EYA1: variants seen among roughly 807,000 people sequenced by gnomAD.
EYA1 encodes protein phosphatase EYA1.
In EYA1, 16 loss-of-function variants were observed where a neutral mutation model predicts 82.0. The observed-to-expected ratio is 0.20, with a 90% CI of 0.13 to 0.30. EYA1 has a LOEUF of 0.30. Ranked by LOEUF, EYA1 falls within the 10% of genes least tolerant of loss-of-function variation. The pLI, the probability that EYA1 is intolerant of heterozygous loss-of-function variation, is 1.00. For synonymous variants in EYA1, 261 were observed against 264.4 expected, an observed-to-expected ratio of 0.99 and a Z score of 0.12; for missense variants, 633 against 730.7, an observed-to-expected ratio of 0.87 and a Z score of 1.54.
chr8:71,475,312 G>T (rs1180180353), intron 2 of EYA1, among the ~76,000 whole-genome samples: 1 of 152,150 alleles, frequency 6.6e-6, no homozygotes, highest in East Asian at 1.9e-4. Context: ...TAATTGAAAG[G>T]TTATGTCTGG....
intron 2 of EYA1, among the ~76,000 whole-genome samples, chr8:71,477,745 T>C (rs1240431718): frequency 2.0e-5 from 3 of 152,018 alleles, no homozygotes; most frequent in South Asian, 2.1e-4. Flanking sequence ...CCAAGAGAAA[T>C]GAAAACACAT....
chr8:71,256,851 T>C (rs986440490), intron 11 of EYA1, among the ~76,000 whole-genome samples: 11 of 151,786 alleles, frequency 7.2e-5, no homozygotes, highest in African/African-American at 2.7e-4. Context: ...AATACAAAAT[T>C]AGCTGGGCAT....
intron 6 of EYA1, among the ~76,000 whole-genome samples, 156 bp from the exon 7 acceptor site, chr8:71,317,845 T>A (rs1822099334): frequency 6.6e-6 from 1 of 152,234 alleles, no homozygotes; most frequent in Non-Finnish European, 1.5e-5. Flanking sequence ...TACCATAAAG[T>A]ACAACTTCAG....
At position 71,455,413 on chromosome 8, in the gene EYA1, C is replaced by G. The variant is rs895341656; in HGVS notation, c.33+80331G>C. On this transcript the variant is annotated intron_variant, in intron 2 of 18. Transcript: ENST00000643681. ...ATCCTCCCTAACTCATTTTATGAGGCCAGCATTACCCTGATACCAAAGTCT... is the reference window on the plus strand; with the variant it reads ...ATCCTCCCTAACTCATTTTATGAGGGCAGCATTACCCTGATACCAAAGTCT... 4.6e-5 allele frequency among the ~76,000 whole-genome samples: 7 copies of G among 152,252 alleles called. No homozygotes were observed. In the South Asian group the frequency reaches 8.3e-4, roughly 18 times the overall value.
intron 4 of EYA1, among the ~76,000 whole-genome samples, chr8:71,324,467 T>C (rs766663221): frequency 5.3e-5 from 8 of 152,208 alleles, no homozygotes; most frequent in Non-Finnish European, 1.2e-4. Flanking sequence ...GCAGTAATAC[T>C]ACCTACACCT....
At chr8:71,406,674 A>G (rs1331779313) in intron 2 of EYA1, among the ~76,000 whole-genome samples, 2 of 152,226 alleles carry the variant, frequency 1.3e-5, no homozygotes, top group African/African-American at 2.4e-5. Context: ...ACTGGCTTAA[A>G]AAACCGCTCA....
At chr8:71,470,271 T>G (rs1186107985) in intron 2 of EYA1, among the ~76,000 whole-genome samples, 1 of 152,086 alleles carries the variant, frequency 6.6e-6, no homozygotes, top group East Asian at 1.9e-4. Context: ...TTCAAATGAT[T>G]TGCTTTCTAC....
chr8:71,447,068 A>T (rs1299891071), intron 2 of EYA1, among the ~76,000 whole-genome samples: 2 of 137,624 alleles, frequency 1.5e-5, no homozygotes, highest in Non-Finnish European at 3.0e-5. Flanking sequence ...CTGAAATCTC[A>T]TTATTGATAA....
chr8:71,305,782 T>TC (rs1164970365), intron 7 of EYA1, among the ~76,000 whole-genome samples: 4 of 152,126 alleles, frequency 2.6e-5, no homozygotes, highest in Admixed American at 2.0e-4. Context: ...TCACAACATC[T>TC]CTTAAGATAC....
At chr8:71,206,257 C>T (rs1209455750) in intron 17 of EYA1, among the ~76,000 whole-genome samples, 1 of 151,082 alleles carries the variant, frequency 6.6e-6, no homozygotes, top group African/African-American at 2.4e-5. Flanking sequence ...CTTACTCTGT[C>T]ACCCAGGCTG....
intron 2 of EYA1, among the ~76,000 whole-genome samples, chr8:71,428,764 A>G (rs1805420508): frequency 6.6e-6 from 1 of 152,150 alleles, no homozygotes; most frequent in African/African-American, 2.4e-5. Context: ...TTTTAATACT[A>G]TTGCAAGTTC....
intron 11 of EYA1, among the ~76,000 whole-genome samples, chr8:71,250,597 C>A (rs557644550): frequency 5.9e-5 from 9 of 152,226 alleles, no homozygotes; most frequent in Non-Finnish European, 4.4e-5. Context: ...TTTGCAGAAT[C>A]AAAAAGAGGG....
At chr8:71,395,752 C>A (rs1328629104) in intron 2 of EYA1, among the ~76,000 whole-genome samples, 2 of 151,956 alleles carry the variant, frequency 1.3e-5, no homozygotes, top group Non-Finnish European at 2.9e-5. Flanking sequence ...GTAAAATTCT[C>A]TTTTTTTGCT....
At chr8:71,547,445 C>G (rs1253423521) in intron 1 of EYA1, 1 of 152,326 alleles carries the variant, frequency 6.6e-6, no homozygotes, top group East Asian at 1.9e-4. Context: ...TGCACCTCTC[C>G]CCTGCCGGCC....
intron 2 of EYA1, among the ~76,000 whole-genome samples, chr8:71,381,260 G>A (rs1397972047): frequency 2.6e-5 from 4 of 152,066 alleles, no homozygotes; most frequent in East Asian, 3.8e-4. Flanking sequence ...TAACATCCTC[G>A]AGATATTTAG....
At chr8:71,291,923 C>T (rs1347761072) in intron 9 of EYA1, among the ~76,000 whole-genome samples, 2 of 151,950 alleles carry the variant, frequency 1.3e-5, no homozygotes, top group African/African-American at 4.8e-5. Flanking sequence ...TGATAGCTAT[C>T]AAAATTATGA....
At chr8:71,464,152 G>A (rs181818529) in intron 2 of EYA1, among the ~76,000 whole-genome samples, 41 of 152,140 alleles carry the variant, frequency 2.7e-4, no homozygotes, top group Middle Eastern at 6.8e-3. Context: ...TGCTCTCCCC[G>A]AGGACTGCAT....
chr8:71,531,161 G>A (rs1016214136), intron 2 of EYA1: 11 of 152,086 alleles, frequency 7.2e-5, no homozygotes, highest in South Asian at 6.2e-4. Context: ...ATTCATGGTC[G>A]TTTATTCATT....
At chr8:71,358,411 T>C (rs575149484) in intron 1 of EYA1, among the ~76,000 whole-genome samples, 2 of 152,352 alleles carry the variant, frequency 1.3e-5, no homozygotes, top group Non-Finnish European at 1.5e-5. Context: ...TTTCATTAAG[T>C]ATACTTCAGA....
Sources: gnomAD v4.1 joint callset for allele counts (sites outside exome capture counted in the v4.1 genomes callset) on GRCh38, gnomAD v4.1.1 for gene constraint, MANE v1.5 for transcripts, NCBI Gene and HGNC (gene_info 2026-07-23, HGNC 2026-07-21) for gene names.